The following DLGAP2 variants were observed in gnomAD, a reference collection of about 807,000 sequenced individuals.
DLGAP2 encodes the protein disks large-associated protein 2.
Under a neutral mutation model 100.3 loss-of-function variants are expected in DLGAP2, and 26 were observed. The observed-to-expected ratio is 0.26, with a 90% confidence interval of 0.19 to 0.36. DLGAP2 has a LOEUF of 0.36. Among genes scored for constraint, DLGAP2 ranks in the 10% least tolerant of loss-of-function variants. The pLI, the probability that DLGAP2 is intolerant of heterozygous loss-of-function variation, is 1.00. For missense variants in DLGAP2, 1,858 were observed against 1,453.2 expected, an observed-to-expected ratio of 1.28 and a Z score of -4.53; for synonymous variants, 886 against 630.1, an observed-to-expected ratio of 1.41 and a Z score of -6.08.
intron 4 of DLGAP2, among the ~76,000 whole-genome samples, chr8:1,529,288 C>G (rs1800903570): frequency 2.6e-5 from 4 of 152,188 alleles, no homozygotes; most frequent in Admixed American, 2.6e-4. Flanking sequence ...ATGGGGGATA[C>G]AGCCCCCAGG....
At chr8:832,299 C>T (rs750461698) in intron 1 of DLGAP2, among the ~76,000 whole-genome samples, 1 of 152,160 alleles carries the variant, frequency 6.6e-6, no homozygotes, top group Non-Finnish European at 1.5e-5. Flanking sequence ...ATGCCTAAGT[C>T]CTGAATGGTA....
At chr8:1,094,937 G>A (rs924458855) in intron 2 of DLGAP2, among the ~76,000 whole-genome samples, 1 of 152,218 alleles carries the variant, frequency 6.6e-6, no homozygotes, top group Non-Finnish European at 1.5e-5. Context: ...TGGACACAGG[G>A]AGAAACAGAA....
intron 2 of DLGAP2, among the ~76,000 whole-genome samples, chr8:910,854 A>G (rs1255931851): frequency 6.6e-6 from 1 of 152,070 alleles, no homozygotes; most frequent in Non-Finnish European, 1.5e-5. Flanking sequence ...GGCTATAAAA[A>G]GGATCGCCAA....
chr8:1,234,116 A>G (rs1207351339), intron 2 of DLGAP2, among the ~76,000 whole-genome samples: 2 of 152,228 alleles, frequency 1.3e-5, no homozygotes, highest in Non-Finnish European at 2.9e-5. Context: ...GCCTGTTGCT[A>G]TAAAGAGGAA....
chr8:1,542,582 T>G (rs893027604), intron 4 of DLGAP2, among the ~76,000 whole-genome samples: 1 of 152,236 alleles, frequency 6.6e-6, no homozygotes, highest in Non-Finnish European at 1.5e-5. Context: ...TTAATTGGTT[T>G]TAATTGCTGA....
chr8:1,411,964 G>A (rs10086137), intron 3 of DLGAP2, among the ~76,000 whole-genome samples: 11,257 of 152,202 alleles, frequency 0.074, 676 homozygotes, highest in East Asian at 0.25. Context: ...CACATGCTCC[G>A]AAAACCTACA....
chr8:1,679,617 G>C (rs1798895455), intron 12 of DLGAP2, among the ~76,000 whole-genome samples: 1 of 152,354 alleles, frequency 6.6e-6, no homozygotes, highest in East Asian at 1.9e-4. Flanking sequence ...CTATGCCTCT[G>C]CTTCTCCACA....
intron 3 of DLGAP2, among the ~76,000 whole-genome samples, chr8:1,387,811 G>A (rs925272629): frequency 4.6e-5 from 7 of 152,190 alleles, no homozygotes; most frequent in African/African-American, 1.4e-4. Flanking sequence ...TCGGAACCAG[G>A]AAAAGGCATG....
At chr8:1,241,136 G>T (rs1342268554) in intron 2 of DLGAP2, among the ~76,000 whole-genome samples, 1 of 126,812 alleles carries the variant, frequency 7.9e-6, no homozygotes, top group Non-Finnish European at 1.7e-5. Context: ...GCCGTGTCTA[G>T]TTCTCTCACG....
At chr8:1,463,020 G>A (rs554979400) in intron 3 of DLGAP2, among the ~76,000 whole-genome samples, 7 of 152,144 alleles carry the variant, frequency 4.6e-5, no homozygotes, top group African/African-American at 9.7e-5. Flanking sequence ...AGTCTGAGGC[G>A]GGTGGATCAT....
intron 6 of DLGAP2, among the ~76,000 whole-genome samples, chr8:1,580,702 C>G (rs938327773): frequency 1.3e-5 from 2 of 152,070 alleles, no homozygotes; most frequent in Non-Finnish European, 2.9e-5. Context: ...GTCGAACTAC[C>G]AGAAGTGAAG....
rs979141440 is a variant in DLGAP2, at chr8:1,316,665, C to G, written c.106+57782C>G. 1.2e-4 allele frequency among the ~76,000 whole-genome samples: 17 copies of G among 143,078 alleles called. 3 individuals carry two copies. The highest frequency in any genetic ancestry group is 4.6e-4 in the African/African-American group (17 of 36,886). 93.9% of individuals were successfully genotyped at this position (143,078 alleles called of 152,430 possible). On this transcript the variant is annotated intron_variant, in intron 3 of 14. Coordinates refer to ENST00000637795, the MANE Select transcript of DLGAP2 (RefSeq NM_001346810.2). ...CCAACAGTGGTCTACACTCGAGACA[C>G]TTGGCAGCTTTTAAAAATACAGCGT...
At chr8:787,989 C>CTCAGGATTCTCTGTGGG in intron 1 of DLGAP2, among the ~76,000 whole-genome samples, 1 of 152,200 alleles carries the variant, frequency 6.6e-6, no homozygotes, top group African/African-American at 2.4e-5. Flanking sequence ...TGCTCTGTGG[C>CTCAGGATTCTCTGTGGG]TCAGGATTCT....
intron 2 of DLGAP2, among the ~76,000 whole-genome samples, chr8:1,235,547 ATGGCGCC>A (rs1798633450): frequency 4.4e-5 from 1 of 22,592 alleles, no homozygotes; most frequent in Non-Finnish European, 1.3e-4. Context: ...GTTCTCTCAC[ATGGCGCC>A]ATGTCTAGTT....
chr8:1,167,742 C>G (rs1198068522), intron 2 of DLGAP2, among the ~76,000 whole-genome samples: 1 of 152,164 alleles, frequency 6.6e-6, no homozygotes, highest in Non-Finnish European at 1.5e-5. Flanking sequence ...AGCATCCATT[C>G]AGTTGACAAA....
intron 1 of DLGAP2, among the ~76,000 whole-genome samples, chr8:857,348 A>G (rs529010930): frequency 6.6e-6 from 1 of 152,370 alleles, no homozygotes; most frequent in East Asian, 1.9e-4. Context: ...ACTTCATTAA[A>G]ATGAACAGCT....
rs904842899 is a variant in DLGAP2, at chr8:1,262,032, G to C, written c.106+3149G>C. On this transcript the variant is annotated intron_variant, in intron 3 of 14. Coordinates refer to ENST00000637795, the MANE Select transcript of DLGAP2 (RefSeq NM_001346810.2). ...CAGAAAGCTGTTAACAGCCTTCCCT[G>C]GCTAAGCCAGTGAAGTGGGAAACAC... Among the ~76,000 whole-genome samples, 14 of 152,280 alleles carry C rather than the reference G, an allele frequency of 9.2e-5. 1 individual carries two copies. The highest frequency in any genetic ancestry group is 3.4e-4 in the African/African-American group (14 of 41,568).
intron 2 of DLGAP2, among the ~76,000 whole-genome samples, chr8:1,198,335 GACA>G (rs1438268872): frequency 6.6e-6 from 1 of 152,194 alleles, no homozygotes; most frequent in East Asian, 1.9e-4. Flanking sequence ...GTTTTGAAAT[GACA>G]ACAACAGCTT....
chr8:1,546,727 G>A (rs376438155), intron 4 of DLGAP2, among the ~76,000 whole-genome samples: 7 of 152,100 alleles, frequency 4.6e-5, no homozygotes, highest in Admixed American at 1.3e-4. Flanking sequence ...CTCTCCAAGC[G>A]CAGGGCATGA....
Sources: allele counts gnomAD v4.1 joint callset (sites outside exome capture counted in the v4.1 genomes callset), GRCh38; gene constraint gnomAD v4.1.1; transcripts MANE v1.5; gene names NCBI Gene and HGNC (gene_info 2026-07-23, HGNC 2026-07-21).